The following ZBTB11 variants were observed in gnomAD, a reference collection of about 807,000 sequenced individuals.
ZBTB11 encodes zinc finger and BTB domain-containing protein 11.
ZBTB11 carries 68 observed loss-of-function variants against 113.1 expected under a neutral mutation model. That is an observed-to-expected ratio of 0.60 (90% confidence interval 0.49 to 0.74). The LOEUF (loss-of-function observed/expected upper bound fraction) is 0.74. ZBTB11 is among the 30% of genes least tolerant of loss of function. The pLI, the probability that ZBTB11 is intolerant of heterozygous loss-of-function variation, is 0.00. For missense variants in ZBTB11, 1,104 were observed against 1,279.4 expected, an observed-to-expected ratio of 0.86 and a Z score of 2.09; for synonymous variants, 518 against 452.6, an observed-to-expected ratio of 1.14 and a Z score of -1.83.
chr3:101,661,019 T>C (rs935758109), intron 5 of ZBTB11, among the ~76,000 whole-genome samples: 2 of 151,542 alleles, frequency 1.3e-5, no homozygotes, highest in East Asian at 1.9e-4. Flanking sequence ...ATCACTTGAG[T>C]CCAGGAGTTT....
At chr3:101,659,413 C>T (rs1015973340) in intron 6 of ZBTB11, among the ~76,000 whole-genome samples, 1 of 152,178 alleles carries the variant, frequency 6.6e-6, no homozygotes, top group African/African-American at 2.4e-5. Flanking sequence ...GAGAAGAACA[C>T]AGCTTAGGCA....
At position 101,676,639 on chromosome 3, in the gene ZBTB11, G is replaced by A. The variant is rs1272088076; in HGVS notation, c.276C>T (p.Thr92=). ...PGGTHHTRHQ[T]WHYLSKTYWW... Reference sequence around the variant, plus strand: ...AGTACGTCTTGGACAAGTAGTGCCAGGTCTGATGCCGGGTGTGGTGAGTGC... The same window carrying A: ...AGTACGTCTTGGACAAGTAGTGCCAAGTCTGATGCCGGGTGTGGTGAGTGC... The change falls in exon 1 of 11, where the codon ACC becomes ACT. Residue 92 remains threonine (T), a synonymous_variant. Transcript: ENST00000312938. The A allele has an allele frequency of 3.9e-6, 6 of 1,556,626 alleles. No individual in the cohort carries two copies. The highest frequency in any genetic ancestry group is 2.7e-5 in the African/African-American group (2 of 73,078).
intron 6 of ZBTB11, among the ~76,000 whole-genome samples, chr3:101,656,909 G>A (rs930552982): frequency 9.2e-5 from 14 of 151,728 alleles, no homozygotes; most frequent in African/African-American, 2.4e-4. Context: ...TGAGACGGGC[G>A]GATCATTTGA....
intron 5 of ZBTB11, among the ~76,000 whole-genome samples, chr3:101,663,174 G>A (rs879817955): frequency 2.0e-5 from 3 of 151,928 alleles, no homozygotes; most frequent in Admixed American, 6.6e-5. Context: ...TCCTGACCTC[G>A]TGATCTGCCC....
intron 8 of ZBTB11, 79 bp downstream of exon 8, chr3:101,654,625 A>C: frequency 8.1e-7 from 1 of 1,235,334 alleles, no homozygotes. Flanking sequence ...ACAGTTTAAT[A>C]TTATCTTCAA....
chr3:101,671,645 AG>A (rs1559988474), intron 2 of ZBTB11: 1 of 571,710 alleles, frequency 1.7e-6, no homozygotes, highest in Non-Finnish European at 3.1e-6. Flanking sequence ...TGAAAAACAA[AG>A]ACCTGGCCAG....
rs189308359 is a variant in ZBTB11, at chr3:101,660,798, C to T, written c.1801-770G>A. On this transcript the variant is annotated intron_variant, in intron 5 of 10. Transcript: ENST00000312938. ...TGTAAATATTATTACCACTGGGCCA[C>T]ATACAGTACACTGTAATTCTTTTTC... is the stretch of plus-strand genomic sequence containing the variant. Among the ~76,000 whole-genome samples the T allele has an allele frequency of 1.2e-4, 19 of 152,348 alleles. No individual in the cohort carries two copies. In the East Asian group the frequency reaches 3.5e-3, roughly 28 times the overall value.
chr3:101,676,846 C>T lies in ZBTB11; in HGVS notation c.69G>A (p.Pro23=). The change falls in exon 1 of 11, where the codon CCG becomes CCA. Residue 23 remains proline (P), a synonymous_variant. Coordinates refer to ENST00000312938, the MANE Select transcript of ZBTB11 (RefSeq NM_014415.4). ...TACGCTTGACATTGCCCTCGGTGCC[C>T]GGCGCATACGGCTCGCGCTCGTTCG... ...YLTNEREPYA[P]GTEGNVKRKI... The T allele has an allele frequency of 1.2e-6, 2 of 1,611,206 alleles. No individual in the cohort carries two copies. Among genetic ancestry groups the T allele is most frequent in the Non-Finnish European group, 1.7e-6 (2 of 1,178,864 alleles).
chr3:101,652,422 A>G (rs1405362313), intron 10 of ZBTB11, 74 bp downstream of exon 10: 2 of 1,421,968 alleles, frequency 1.4e-6, no homozygotes, highest in African/African-American at 1.4e-5. Context: ...AAGGTGAAAG[A>G]GCTGGTAAAG....
chr3:101,670,344 A>G (rs1464698955), intron 3 of ZBTB11, among the ~76,000 whole-genome samples: 2 of 152,240 alleles, frequency 1.3e-5, no homozygotes, highest in African/African-American at 4.8e-5. Flanking sequence ...ATATGATGAG[A>G]AAACGTATAA....
chr3:101,662,271 T>C (rs1249264013), intron 5 of ZBTB11: 2 of 152,046 alleles, frequency 1.3e-5, no homozygotes, highest in East Asian at 3.9e-4. Context: ...CCTCTCGAAG[T>C]GTTGGAGTGT....
intron 5 of ZBTB11, among the ~76,000 whole-genome samples, chr3:101,662,804 C>A (rs989531275): frequency 1.3e-5 from 2 of 151,990 alleles, no homozygotes; most frequent in African/African-American, 4.8e-5. Context: ...CTTTGTCATG[C>A]AGGCTGGGGT....
In ZBTB11 at chr3:101,671,301, G is replaced by GT. The variant is rs1937081899; in HGVS notation, c.606dup (p.Gln203ThrfsTer13). ...TTGGAAAGTCTCTGTTCGTTCAGCT[G>GT]TTTTAAGACAGCCTGACAATGTTTT... On this transcript the variant is annotated frameshift_variant, in exon 3 of 11. Transcript: ENST00000312938. LOFTEE classifies it high-confidence loss of function. 1 of 1,614,038 alleles carries GT rather than the reference G, an allele frequency of 6.2e-7. No individual in the cohort carries two copies. Among genetic ancestry groups the GT allele is most frequent in the Non-Finnish European group, 8.5e-7 (1 of 1,180,032 alleles).
At chr3:101,660,432 A>T (rs1936868703) in intron 5 of ZBTB11, among the ~76,000 whole-genome samples, 2 of 152,108 alleles carry the variant, frequency 1.3e-5, no homozygotes, top group Non-Finnish European at 2.9e-5. Context: ...TTCAATTTTT[A>T]AAAAATCTTT....
Position 101,671,984 on chromosome 3 carries a change from A to G in ZBTB11, c.540T>C (p.Leu180=). 1 of 1,611,604 alleles carries G rather than the reference A, an allele frequency of 6.2e-7. No individual in the cohort carries two copies. Among genetic ancestry groups the G allele is most frequent in the East Asian group, 2.2e-5 (1 of 44,858 alleles). Residue 180 remains leucine (L), a synonymous_variant, in exon 2 of 11, where the codon CTT becomes CTC. Coordinates refer to ENST00000312938, the MANE Select transcript of ZBTB11 (RefSeq NM_014415.4). The part of the protein sequence containing the change: ...AKKKPVSKHE[L]VFVDTKGVVK... ...ACTGGAGAGTACCACTTACAAACAC[A>G]AGTTCATGTTTGGATACTGGCTTCT...
At chr3:101,675,702 G>C (rs570164105) in intron 1 of ZBTB11, among the ~76,000 whole-genome samples, 1 of 152,326 alleles carries the variant, frequency 6.6e-6, no homozygotes, top group South Asian at 2.1e-4. Flanking sequence ...CAATCAAAAA[G>C]TCACAGTAAT....
At chr3:101,665,876 A>G in intron 3 of ZBTB11, 68 bp from the exon 4 acceptor site, 1 of 1,400,258 alleles carries the variant, frequency 7.1e-7, no homozygotes, top group Non-Finnish European at 9.7e-7. Context: ...GAATTATGAC[A>G]ATATAAAATA....
intron 1 of ZBTB11, 180 bp downstream of exon 1, chr3:101,676,425 T>G: frequency 1.6e-6 from 1 of 617,734 alleles, no homozygotes; most frequent in Non-Finnish European, 2.5e-6. Context: ...GCCGGCCTCC[T>G]TCCTGTGGGA....
rs769320216 is a variant in ZBTB11, at chr3:101,659,953, A to C, written c.1876T>G (p.Ser626Ala). Residue 626 changes from serine to alanine, a missense_variant, in exon 6 of 11, where the codon TCT becomes GCT. Ser to Ala is a moderately conservative substitution (Grantham distance 99). This residue lies in a region of ZBTB11 where 535 missense variants were observed against 518.6 expected (regional missense o/e 1.03). Coordinates refer to ENST00000312938, the MANE Select transcript of ZBTB11 (RefSeq NM_014415.4). ...GACGTGGAATTGGACGAGGATGAAG[A>C]GGGTGCATCTTTTCTGGTATGACGA... is the stretch of plus-strand genomic sequence containing the variant. Reference protein sequence around the residue: ...LIRHTRKDAPSSSSSNSTSNE... With the variant: ...LIRHTRKDAPASSSSNSTSNE... 1.2e-6 allele frequency: 2 copies of C among 1,614,062 alleles called. No homozygotes were observed. Among genetic ancestry groups the C allele is most frequent in the African/African-American group, 2.7e-5 (2 of 74,928 alleles).
Sources: allele counts gnomAD v4.1 joint callset (sites outside exome capture counted in the v4.1 genomes callset), GRCh38; gene constraint gnomAD v4.1.1; regional missense constraint gnomAD v4.1.1; transcripts MANE v1.5; gene names NCBI Gene and HGNC (gene_info 2026-07-23, HGNC 2026-07-21).